Variants in C3orf20 observed in about 807,000 individuals in gnomAD.
C3orf20 encodes the protein uncharacterized protein C3orf20.
A neutral mutation model predicts 88.3 loss-of-function variants in C3orf20; 76 were observed. That is an observed-to-expected ratio of 0.86 (90% CI 0.72 to 1.04). C3orf20 has a LOEUF of 1.04. Among genes scored for constraint, C3orf20 ranks in the 50% least tolerant of loss-of-function variants. The probability of loss-of-function intolerance (pLI) is 0.00; values close to 1 mark genes in which losing one functional copy is unlikely to be tolerated. For missense variants in C3orf20, 1,056 were observed against 1,123.3 expected, an observed-to-expected ratio of 0.94 and a Z score of 0.86; for synonymous variants, 436 against 437.4, an observed-to-expected ratio of 1.00 and a Z score of 0.04.
intron 3 of C3orf20, 107 bp from the exon 4 acceptor site, chr3:14,684,135 A>G: frequency 1.4e-6 from 2 of 1,432,760 alleles, no homozygotes; most frequent in East Asian, 2.3e-5. Context: ...CCCTAGGAAT[A>G]GCGCTCTACT....
At chr3:14,753,338 TG>T (rs2035272129) in intron 12 of C3orf20, among the ~76,000 whole-genome samples, 1 of 152,020 alleles carries the variant, frequency 6.6e-6, no homozygotes. Flanking sequence ...GGGCCTGTTG[TG>T]GGGTCAGGGG....
In C3orf20 at chr3:14,687,827, A is replaced by G. The variant is rs1199617387; in HGVS notation, c.626-2170A>G. ...GGCTGCGATTCATCTAATGGAGGAGAATGGGAAGAGAGTTAAGCTGAGCTG... is the reference window on the plus strand; with the variant it reads ...GGCTGCGATTCATCTAATGGAGGAGGATGGGAAGAGAGTTAAGCTGAGCTG... On this transcript the variant is annotated intron_variant, in intron 4 of 16. Coordinates refer to ENST00000253697, the MANE Select transcript of C3orf20 (RefSeq NM_032137.5). Among the ~76,000 whole-genome samples the G allele has an allele frequency of 1.1e-4, 16 of 152,078 alleles. No individual in the cohort carries two copies. The East Asian group carries it at 2.9e-3, about 28-fold the overall frequency.
chr3:14,751,118 A>AGAATTTCTG (rs1479245114), intron 12 of C3orf20, among the ~76,000 whole-genome samples: 3 of 152,222 alleles, frequency 2.0e-5, no homozygotes, highest in Non-Finnish European at 4.4e-5. Flanking sequence ...TTTTAACTCT[A>AGAATTTCTG]GAATTTCTGA....
At chr3:14,736,243 C>A (rs1313902485) in intron 12 of C3orf20, among the ~76,000 whole-genome samples, 1 of 151,456 alleles carries the variant, frequency 6.6e-6, no homozygotes, top group Non-Finnish European at 1.5e-5. Context: ...TTCAAATTCT[C>A]CTTAAAGTAT....
At chr3:14,718,152 G>A (rs1398057198) in intron 9 of C3orf20, among the ~76,000 whole-genome samples, 2 of 151,994 alleles carry the variant, frequency 1.3e-5, no homozygotes, top group Non-Finnish European at 2.9e-5. Context: ...CTTTTCTTCT[G>A]AGACTCCAAT....
At chr3:14,736,230 A>G (rs949872624) in intron 12 of C3orf20, among the ~76,000 whole-genome samples, 9 of 150,872 alleles carry the variant, frequency 6.0e-5, no homozygotes, top group African/African-American at 1.9e-4. Context: ...CTGAATAGCT[A>G]TCTTCAAATT....
At chr3:14,715,480 A>G (rs2033905045) in intron 9 of C3orf20, 71 bp downstream of exon 9, 2 of 1,544,542 alleles carry the variant, frequency 1.3e-6, no homozygotes, top group African/African-American at 1.4e-5. Flanking sequence ...GCATCCTGCC[A>G]TGCACTGCCT....
At chr3:14,700,319 G>T in intron 5 of C3orf20, among the ~76,000 whole-genome samples, 1 of 151,936 alleles carries the variant, frequency 6.6e-6, no homozygotes, top group Admixed American at 6.6e-5. Context: ...CCTTCTATTT[G>T]GCCATCTTTC....
intron 13 of C3orf20, 122 bp from the exon 14 acceptor site, chr3:14,759,767 TGG>T: frequency 1.4e-6 from 1 of 731,808 alleles, no homozygotes; most frequent in South Asian, 1.7e-5. Context: ...CAGGAGGAGT[TGG>T]GGAGAGGGAG....
At chr3:14,686,023 G>A (rs985523641) in intron 4 of C3orf20, among the ~76,000 whole-genome samples, 1 of 151,986 alleles carries the variant, frequency 6.6e-6, no homozygotes, top group Non-Finnish European at 1.5e-5. Flanking sequence ...CACAATGCTC[G>A]GCTCATTTTT....
chr3:14,708,941 G>A (rs1427653703), intron 7 of C3orf20, among the ~76,000 whole-genome samples: 3 of 152,118 alleles, frequency 2.0e-5, no homozygotes, highest in African/African-American at 7.2e-5. Flanking sequence ...ACCACACCCG[G>A]CCAACAATAT....
intron 14 of C3orf20, 38 bp downstream of exon 14, chr3:14,760,036 C>T (rs754730023): frequency 4.1e-6 from 6 of 1,472,072 alleles, no homozygotes; most frequent in Non-Finnish European, 5.7e-6. Flanking sequence ...TGCCTGCCAC[C>T]CCAGCCGCAG....
At chr3:14,749,114 A>G (rs950191595) in intron 12 of C3orf20, among the ~76,000 whole-genome samples, 4 of 152,180 alleles carry the variant, frequency 2.6e-5, no homozygotes, top group South Asian at 2.1e-4. Flanking sequence ...TTTGCTTCAT[A>G]TATTTAGGGA....
At chr3:14,749,951 A>G (rs1368718950) in intron 12 of C3orf20, among the ~76,000 whole-genome samples, 1 of 151,938 alleles carries the variant, frequency 6.6e-6, no homozygotes, top group East Asian at 1.9e-4. Context: ...CCATTAACAC[A>G]TATGTACAAT....
At chr3:14,751,052 C>T (rs888622576) in intron 12 of C3orf20, among the ~76,000 whole-genome samples, 1 of 152,068 alleles carries the variant, frequency 6.6e-6, no homozygotes. Flanking sequence ...AGTTTGCTGA[C>T]CCTTTCTTCT....
chr3:14,730,478 C>T (rs1025540870), intron 12 of C3orf20, among the ~76,000 whole-genome samples: 23 of 151,998 alleles, frequency 1.5e-4, no homozygotes, highest in Admixed American at 6.6e-4. Flanking sequence ...ACCCAGGAGG[C>T]GGAGCTTGCA....
chr3:14,698,006 C>T (rs1489679508), intron 5 of C3orf20, among the ~76,000 whole-genome samples: 5 of 152,124 alleles, frequency 3.3e-5, no homozygotes, highest in African/African-American at 1.2e-4. Context: ...GTGAATAGTG[C>T]TGCAATGAAC....
chr3:14,757,299 C>T, intron 12 of C3orf20, 72 bp from the exon 13 acceptor site: 1 of 1,351,310 alleles, frequency 7.4e-7, no homozygotes, highest in Non-Finnish European at 1.0e-6. Context: ...CCAGCAGGAG[C>T]CAGGGGGCTC....
chr3:14,698,033 C>G (rs111369027), intron 5 of C3orf20, among the ~76,000 whole-genome samples: 129 of 152,226 alleles, frequency 8.5e-4, no homozygotes, highest in African/African-American at 2.9e-3. Context: ...GTGCATGTGT[C>G]TTTATAGTAG....
Sources: allele counts gnomAD v4.1 joint callset (sites outside exome capture counted in the v4.1 genomes callset), GRCh38; gene constraint gnomAD v4.1.1; transcripts MANE v1.5; gene names NCBI Gene and HGNC (gene_info 2026-07-23, HGNC 2026-07-21).